TBC1D22A: variants seen among roughly 807,000 people sequenced by gnomAD.
TBC1D22A encodes the protein TBC1 domain family member 22A, also known as putative GTPase activator.
A neutral mutation model predicts 60.2 loss-of-function variants in TBC1D22A; 38 were observed. The ratio of observed to expected loss-of-function variants is 0.63; its 90% confidence interval spans 0.49 to 0.83. The LOEUF is 0.83. Among genes scored for constraint, TBC1D22A ranks in the 40% least tolerant of loss-of-function variants. The probability of loss-of-function intolerance (pLI) is 0.00; values close to 1 mark genes in which losing one functional copy is unlikely to be tolerated. For missense variants in TBC1D22A, 628 were observed against 701.0 expected, an observed-to-expected ratio of 0.90 and a Z score of 1.18; for synonymous variants, 302 against 281.7, an observed-to-expected ratio of 1.07 and a Z score of -0.72.
chr22:46,942,381 G>C (rs1410574766), intron 8 of TBC1D22A, among the ~76,000 whole-genome samples: 1 of 152,120 alleles, frequency 6.6e-6, no homozygotes, highest in African/African-American at 2.4e-5. Flanking sequence ...CACCACTCCT[G>C]TTGGTTTCTT....
chr22:46,885,589 G>A (rs766960813), intron 5 of TBC1D22A, among the ~76,000 whole-genome samples: 6 of 152,166 alleles, frequency 3.9e-5, no homozygotes, highest in Non-Finnish European at 7.4e-5. Context: ...AGGTGCAGAC[G>A]GGTCTGGATG....
At chr22:47,135,961 G>A (rs751700605) in intron 12 of TBC1D22A, among the ~76,000 whole-genome samples, 1 of 152,182 alleles carries the variant, frequency 6.6e-6, no homozygotes, top group Non-Finnish European at 1.5e-5. Context: ...CACTGTGGCC[G>A]AGTAGATGGG....
intron 1 of TBC1D22A, among the ~76,000 whole-genome samples, chr22:46,791,398 T>G (rs1461460744): frequency 6.6e-6 from 1 of 152,208 alleles, no homozygotes; most frequent in Non-Finnish European, 1.5e-5. Flanking sequence ...CCCCATGCTG[T>G]TTCCTGCCTG....
In TBC1D22A at chr22:47,149,199, T is replaced by G. The variant is rs147732937; in HGVS notation, c.1426-24299T>G. Among the ~76,000 whole-genome samples, 388 of 152,246 alleles carry G rather than the reference T, an allele frequency of 2.5e-3. 1 individual carries two copies. The highest frequency in any genetic ancestry group is 9.0e-3 in the African/African-American group (372 of 41,556). On this transcript the variant is annotated intron_variant, in intron 12 of 12. Coordinates refer to ENST00000337137, the MANE Select transcript of TBC1D22A (RefSeq NM_014346.5). ...TGCAGTCAGGGCTGGACCGCAGATGTGTCCGTGACATGTCGTGGTTGGGGG... is the reference window on the plus strand; with the variant it reads ...TGCAGTCAGGGCTGGACCGCAGATGGGTCCGTGACATGTCGTGGTTGGGGG...
At chr22:46,822,344 T>C (rs996300521) in intron 4 of TBC1D22A, among the ~76,000 whole-genome samples, 1 of 152,160 alleles carries the variant, frequency 6.6e-6, no homozygotes, top group Admixed American at 6.5e-5. Flanking sequence ...TTTTCAGCAT[T>C]TTTTCGTTGA....
intron 8 of TBC1D22A, among the ~76,000 whole-genome samples, chr22:46,956,206 A>G (rs2073180006): frequency 6.6e-6 from 1 of 152,252 alleles, no homozygotes; most frequent in African/African-American, 2.4e-5. Context: ...AGATGTTTGG[A>G]GATAGGGTCT....
At chr22:46,887,684 A>G (rs932231114) in intron 5 of TBC1D22A, among the ~76,000 whole-genome samples, 5 of 152,192 alleles carry the variant, frequency 3.3e-5, no homozygotes, top group Admixed American at 3.3e-4. Flanking sequence ...GGAGGAGGTA[A>G]GGGGCGGTGA....
chr22:47,018,319 C>G (rs776104839), intron 10 of TBC1D22A, among the ~76,000 whole-genome samples: 2 of 152,256 alleles, frequency 1.3e-5, no homozygotes, highest in Non-Finnish European at 2.9e-5. Context: ...TCTGGGCGCA[C>G]ATGCAAGCCC....
At chr22:46,863,993 A>T (rs908092784) in intron 4 of TBC1D22A, among the ~76,000 whole-genome samples, 1 of 152,130 alleles carries the variant, frequency 6.6e-6, no homozygotes, top group Non-Finnish European at 1.5e-5. Context: ...CCTTGTGTTT[A>T]TTCACTCAGG....
intron 9 of TBC1D22A, among the ~76,000 whole-genome samples, chr22:46,995,394 T>A (rs1048857571): frequency 6.6e-6 from 1 of 152,210 alleles, no homozygotes; most frequent in African/African-American, 2.4e-5. Context: ...ATTTTCCATT[T>A]CTAGGGAAAG....
At chr22:46,845,084 C>T (rs1052165613) in intron 4 of TBC1D22A, among the ~76,000 whole-genome samples, 7 of 152,164 alleles carry the variant, frequency 4.6e-5, no homozygotes, top group South Asian at 2.1e-4. Context: ...TATCTGCAGG[C>T]GGTTGCCTGT....
intron 12 of TBC1D22A, among the ~76,000 whole-genome samples, chr22:47,164,194 G>A (rs534544930): frequency 6.6e-6 from 1 of 152,314 alleles, no homozygotes; most frequent in South Asian, 2.1e-4. Flanking sequence ...TGGAGCAGGA[G>A]CCCCTCCCCG....
At chr22:47,077,521 G>A (rs761852730) in intron 11 of TBC1D22A, among the ~76,000 whole-genome samples, 28 of 152,220 alleles carry the variant, frequency 1.8e-4, no homozygotes, top group Non-Finnish European at 2.9e-4. Context: ...TCTGCTGGGG[G>A]GTCTGAAAGG....
chr22:46,943,356 C>G (rs1229144968), intron 8 of TBC1D22A, among the ~76,000 whole-genome samples: 2 of 152,160 alleles, frequency 1.3e-5, no homozygotes, highest in East Asian at 3.9e-4. Context: ...CATGATAGAC[C>G]TTTGCAATAT....
In TBC1D22A at chr22:46,889,317, G is replaced by A. The variant is rs2068275063; in HGVS notation, c.709-1949G>A. On this transcript the variant is annotated intron_variant, in intron 5 of 12. Transcript: ENST00000337137. ...TGGTATCATTAATCATTATGGAAAC[G>A]AAATTAAAACCACACCCAACTGCAT... Among the ~76,000 whole-genome samples the A allele has an allele frequency of 2.0e-5, 3 of 152,132 alleles. No individual in the cohort carries two copies. The South Asian group carries it at 6.2e-4, about 32-fold the overall frequency.
intron 11 of TBC1D22A, among the ~76,000 whole-genome samples, chr22:47,076,361 G>GTTTATATATATATATA: frequency 9.8e-6 from 1 of 101,938 alleles, no homozygotes; most frequent in East Asian, 4.6e-4. Flanking sequence ...ATATGTGTGT[G>GTTTATATATATATATA]TATATATATA....
Position 46,885,474 on chromosome 22 carries a change from C to G in TBC1D22A, c.709-5792C>G, listed in dbSNP as rs375282064. 1.7e-3 allele frequency among the ~76,000 whole-genome samples: 254 copies of G among 152,272 alleles called. 4 individuals carry two copies. The highest frequency in any genetic ancestry group is 5.8e-3 in the African/African-American group (242 of 41,540). Reference sequence around the variant, plus strand: ...GCACGGAGCGTGGTGAGGACCCAGCCCTTCCTTAGTTCACCTGCGGGTATG... The same window carrying G: ...GCACGGAGCGTGGTGAGGACCCAGCGCTTCCTTAGTTCACCTGCGGGTATG... On this transcript the variant is annotated intron_variant, in intron 5 of 12. Coordinates refer to ENST00000337137, the MANE Select transcript of TBC1D22A (RefSeq NM_014346.5).
intron 11 of TBC1D22A, among the ~76,000 whole-genome samples, chr22:47,064,744 G>C (rs1017405859): frequency 6.6e-6 from 1 of 152,302 alleles, no homozygotes; most frequent in Admixed American, 6.5e-5. Context: ...GTCCCTCTAA[G>C]TGTCTCCTGT....
At chr22:47,039,418 T>G (rs989370097) in intron 11 of TBC1D22A, among the ~76,000 whole-genome samples, 1 of 152,108 alleles carries the variant, frequency 6.6e-6, no homozygotes, top group Non-Finnish European at 1.5e-5. Flanking sequence ...TCCCCTAAAC[T>G]GGGGGGTTTA....
Sources: gnomAD v4.1 joint callset for allele counts (sites outside exome capture counted in the v4.1 genomes callset) on GRCh38, gnomAD v4.1.1 for gene constraint, MANE v1.5 for transcripts, NCBI Gene and HGNC (gene_info 2026-07-23, HGNC 2026-07-21) for gene names.